GLIS3: variants seen among roughly 807,000 people sequenced by gnomAD.
GLIS3 encodes GLIS family zinc finger 3.
GLIS3 carries 53 observed loss-of-function variants against 78.6 expected under a neutral mutation model. That is an observed-to-expected ratio of 0.67 (90% CI 0.54 to 0.85). GLIS3 has a LOEUF of 0.85. Among genes scored for constraint, GLIS3 ranks in the 40% least tolerant of loss-of-function variants. The probability of loss-of-function intolerance (pLI) is 0.00; values close to 1 mark genes in which losing one functional copy is unlikely to be tolerated. For missense variants in GLIS3, 1,703 were observed against 1,231.1 expected, an observed-to-expected ratio of 1.38 and a Z score of -5.74; for synonymous variants, 684 against 509.9, an observed-to-expected ratio of 1.34 and a Z score of -4.60.
At chr9:4,407,605 C>G in the GLIS3 span, among the ~76,000 whole-genome samples, 1 of 152,158 alleles carries the variant, frequency 6.6e-6, no homozygotes, top group Non-Finnish European at 1.5e-5. Flanking sequence ...CGAGATCTCG[C>G]CACCGCACTC....
chr9:4,137,688 A>G (rs1171230612), intron 2 of GLIS3, among the ~76,000 whole-genome samples: 1 of 152,204 alleles, frequency 6.6e-6, no homozygotes, highest in Non-Finnish European at 1.5e-5. Flanking sequence ...CCCATCCGTC[A>G]GCTATTGTAT....
At chr9:4,226,603 C>G (rs1024944893) in intron 2 of GLIS3, among the ~76,000 whole-genome samples, 5 of 152,170 alleles carry the variant, frequency 3.3e-5, no homozygotes, top group Non-Finnish European at 7.3e-5. Flanking sequence ...CTGCTTCCTT[C>G]TGAAGTAGAA....
chr9:4,232,924 G>A (rs181271696), intron 2 of GLIS3, among the ~76,000 whole-genome samples: 43 of 152,284 alleles, frequency 2.8e-4, no homozygotes, highest in African/African-American at 9.9e-4. Context: ...TCCAGTGGTA[G>A]AATCAGTGTA....
At chr9:4,378,571 A>G in the GLIS3 span, among the ~76,000 whole-genome samples, 2 of 152,228 alleles carry the variant, frequency 1.3e-5, no homozygotes, top group Non-Finnish European at 2.9e-5. Context: ...TGGCAACCCT[A>G]CATCAATCCT....
rs1563912474 is a variant in GLIS3 at position 3,977,477 on chromosome 9, A to T, written c.1711-40288T>A. ...GAGCTGCTCGGTAAGAAAAGAAAAG[A>T]TTTATTGAATTCCTTTTGGCACCCG... On this transcript the variant is annotated intron_variant, in intron 4 of 10. Coordinates refer to ENST00000381971, the MANE Select transcript of GLIS3 (RefSeq NM_001042413.2). This position sits in a 1 kb window ranked among gnomAD's most constrained non-coding sequence, Gnocchi z 4.1. Among the ~76,000 whole-genome samples, 1 of 152,180 alleles carries T rather than the reference A, an allele frequency of 6.6e-6. No homozygotes were observed. Among genetic ancestry groups the T allele is most frequent in the African/African-American group, 2.4e-5 (1 of 41,436 alleles).
chr9:4,364,775 TTTTTA>T, the GLIS3 span, among the ~76,000 whole-genome samples: 26 of 132,972 alleles, frequency 2.0e-4, no homozygotes, highest in African/African-American at 7.8e-4. Flanking sequence ...TTTTTTTTTT[TTTTTA>T]AAGAGACAGG....
the GLIS3 span, among the ~76,000 whole-genome samples, chr9:4,486,008 C>G: frequency 6.6e-6 from 1 of 152,182 alleles, no homozygotes; most frequent in Admixed American, 6.5e-5. Flanking sequence ...AGGCGTGAGC[C>G]GCCGCACCTG....
chr9:4,369,964 G>T, the GLIS3 span, among the ~76,000 whole-genome samples: 1 of 152,150 alleles, frequency 6.6e-6, no homozygotes, highest in African/African-American at 2.4e-5. Context: ...GGCCGAGGCA[G>T]GCAGATCACT....
intron 2 of GLIS3, among the ~76,000 whole-genome samples, chr9:4,224,420 G>C (rs998101578): frequency 2.0e-5 from 3 of 152,222 alleles, no homozygotes; most frequent in African/African-American, 7.2e-5. Context: ...TGTTCTGTGA[G>C]ATGTCGTTCA....
chr9:4,481,359 C>T, the GLIS3 span, among the ~76,000 whole-genome samples: 3 of 152,084 alleles, frequency 2.0e-5, no homozygotes, highest in East Asian at 5.8e-4. Flanking sequence ...TGGTGTGTGC[C>T]TGTAATCCCA....
At chr9:3,997,469 G>A (rs937261173) in intron 4 of GLIS3, among the ~76,000 whole-genome samples, 1 of 151,742 alleles carries the variant, frequency 6.6e-6, no homozygotes, top group Non-Finnish European at 1.5e-5. Flanking sequence ...AATAGAAATG[G>A]GACAAGAAAT....
chr9:4,290,036 T>TTTCATATCCTCCTAGTTTAC, intron 1 of GLIS3, among the ~76,000 whole-genome samples: 1 of 152,190 alleles, frequency 6.6e-6, no homozygotes, highest in Admixed American at 6.5e-5. Context: ...GATTAAAAGA[T>TTTCATATCCTCCTAGTTTAC]TAAACAAACG....
intron 4 of GLIS3, among the ~76,000 whole-genome samples, chr9:4,056,435 T>A (rs1421736634): frequency 6.6e-6 from 1 of 152,228 alleles, no homozygotes; most frequent in Non-Finnish European, 1.5e-5. Context: ...GTTGTTAAAA[T>A]CTTCCTTTTC....
At chr9:4,146,811 C>T (rs1306241403) in intron 2 of GLIS3, among the ~76,000 whole-genome samples, 1 of 152,174 alleles carries the variant, frequency 6.6e-6, no homozygotes. Flanking sequence ...TAGATAAACA[C>T]AGCAAAGAGG....
chr9:4,466,932 C>T, the GLIS3 span, among the ~76,000 whole-genome samples: 17 of 152,346 alleles, frequency 1.1e-4, 1 homozygote, highest in South Asian at 3.3e-3. Context: ...CACTCCCATC[C>T]TAATACTGCG....
chr9:3,898,509 A>T lies in GLIS3; in HGVS notation c.2128+182T>A, dbSNP rs10758532. The stretch of plus-strand genomic sequence containing the variant: ...TTTTATTTTATTTCTTTATGAGAAA[A>T]AACAATCTGCTGCCACACCCAGCTC... On this transcript the variant is annotated intron_variant, in intron 7 of 10. Transcript: ENST00000381971. 548,147 of 706,470 alleles carry T rather than the reference A, an allele frequency of 0.78. 213,217 individuals are homozygous for T. The highest frequency in any genetic ancestry group is 0.84 in the East Asian group (30,951 of 36,798). The allele number at this position is 706,470 out of a possible 1,614,324, so 43.8% of individuals were successfully genotyped here. A position where few individuals can be genotyped will look rare whatever the true frequency, so the allele number is the denominator to read the frequency against.
At chr9:4,347,718 G>T (rs147255383) in intron 1 of GLIS3, among the ~76,000 whole-genome samples, 1 of 152,046 alleles carries the variant, frequency 6.6e-6, no homozygotes, top group Admixed American at 6.5e-5. Context: ...GTTTGTTTTT[G>T]GTTTGGTTTT....
rs113568200 is a variant in GLIS3, at chr9:4,319,311, C to G, written n.265-8783G>C. On this transcript the variant is annotated intron_variant and non_coding_transcript_variant, in intron 2 of 4. Coordinates refer to the GLIS3 transcript ENST00000471664. ...AATTTTATGGCCATTATATCCATAG[C>G]TCCCTCTCAAATGATCCAGATGGGG... Among the ~76,000 whole-genome samples the G allele has an allele frequency of 2.7e-3, 404 of 152,262 alleles. 1 individual carries two copies. Among genetic ancestry groups the G allele is most frequent in the African/African-American group, 9.2e-3 (382 of 41,558 alleles).
At chr9:4,077,228 T>C (rs987515694) in intron 4 of GLIS3, among the ~76,000 whole-genome samples, 3 of 152,232 alleles carry the variant, frequency 2.0e-5, no homozygotes, top group Non-Finnish European at 4.4e-5. Context: ...GCTTAATTTC[T>C]AGGCAGACAA....
Sources: allele counts gnomAD v4.1 joint callset (sites outside exome capture counted in the v4.1 genomes callset), GRCh38; gene constraint gnomAD v4.1.1; non-coding constraint Gnocchi (gnomAD v3.1); transcripts MANE v1.5; gene names NCBI Gene and HGNC (gene_info 2026-07-23, HGNC 2026-07-21).